Variants in DNMBP observed in about 807,000 individuals in gnomAD.
DNMBP encodes dynamin binding protein, also known as dynamin-binding protein.
DNMBP carries 87 observed loss-of-function variants against 150.0 expected under a neutral mutation model. That is an observed-to-expected ratio of 0.58 (90% CI 0.49 to 0.69). DNMBP has a LOEUF of 0.69. DNMBP is among the 30% of genes least tolerant of loss of function. The probability of loss-of-function intolerance (pLI) is 0.00; values close to 1 mark genes in which losing one functional copy is unlikely to be tolerated. For missense variants in DNMBP, 1,774 were observed against 1,949.0 expected, an observed-to-expected ratio of 0.91 and a Z score of 1.69; for synonymous variants, 711 against 750.4, an observed-to-expected ratio of 0.95 and a Z score of 0.86.
intron 4 of DNMBP, among the ~76,000 whole-genome samples, chr10:99,952,898 T>A: frequency 6.6e-6 from 1 of 152,218 alleles, no homozygotes; most frequent in East Asian, 1.9e-4. Context: ...TCTGCTTTTA[T>A]CTCTTATTAG....
At chr10:99,939,239 G>A (rs2040268185) in intron 4 of DNMBP, among the ~76,000 whole-genome samples, 1 of 152,148 alleles carries the variant, frequency 6.6e-6, no homozygotes. Flanking sequence ...ACTCTGCCCA[G>A]TGACATTCTG....
At chr10:99,891,189 T>A (rs1303432516) in intron 11 of DNMBP, among the ~76,000 whole-genome samples, 1 of 92,560 alleles carries the variant, frequency 1.1e-5, no homozygotes, top group Non-Finnish European at 2.1e-5. Context: ...CCTCTCCCTC[T>A]CCCCACCGTC....
chr10:99,910,652 G>T (rs2039887665), intron 4 of DNMBP, among the ~76,000 whole-genome samples: 1 of 152,210 alleles, frequency 6.6e-6, no homozygotes, highest in African/African-American at 2.4e-5. Flanking sequence ...TTCCAGGGCT[G>T]GGGCAGAGAA....
chr10:99,883,928 C>A, intron 15 of DNMBP, 83 bp downstream of exon 15: 2 of 1,309,698 alleles, frequency 1.5e-6, no homozygotes, highest in Non-Finnish European at 2.1e-6. Context: ...GCTTTTTTTT[C>A]CTGGCCTAGT....
intron 1 of DNMBP, among the ~76,000 whole-genome samples, chr10:99,986,285 G>A (rs974983796): frequency 4.6e-5 from 7 of 152,000 alleles, no homozygotes; most frequent in African/African-American, 1.7e-4. Context: ...CAAGGTGGGA[G>A]GGTTGCTTGA....
chr10:99,905,396 G>A (rs951363396), intron 6 of DNMBP, among the ~76,000 whole-genome samples: 1 of 152,162 alleles, frequency 6.6e-6, no homozygotes, highest in African/African-American at 2.4e-5. Context: ...CATGTGACCT[G>A]GGCAAATTAC....
intron 4 of DNMBP, chr10:99,930,334 T>G: frequency 1.4e-6 from 1 of 703,034 alleles, no homozygotes; most frequent in Non-Finnish European, 2.6e-6. Flanking sequence ...TAATTCAGAT[T>G]CTTACAGTCT....
At chr10:99,975,130 C>T (rs911090956) in intron 1 of DNMBP, among the ~76,000 whole-genome samples, 4 of 152,126 alleles carry the variant, frequency 2.6e-5, no homozygotes, top group Admixed American at 6.5e-5. Context: ...GAGGCTGAGG[C>T]GGGTGGATCA....
In DNMBP at chr10:99,885,693, C is replaced by T. The variant is rs377118142; in HGVS notation, c.3792G>A (p.Leu1264=). 1 of 1,564,492 alleles carries T rather than the reference C, an allele frequency of 6.4e-7. No individual in the cohort carries two copies. Among genetic ancestry groups the T allele is most frequent in the African/African-American group, 1.4e-5 (1 of 73,954 alleles). Residue 1264 remains leucine, a synonymous_variant, in exon 14 of 17, where the codon CTG becomes CTA. Coordinates refer to ENST00000324109, the MANE Select transcript of DNMBP (RefSeq NM_015221.4). ...CTCTCAGTTCCCTACTCACCAGGCC[C>T]AGGAGTGGCTTTCGAGCAGACTGGC... ...IDRQSARKPL[L]GLPSYMLQSE...
chr10:99,983,345 G>C (rs2040798324), intron 1 of DNMBP, among the ~76,000 whole-genome samples: 1 of 152,208 alleles, frequency 6.6e-6, no homozygotes, highest in Admixed American at 6.5e-5. Context: ...GGCTAAATGA[G>C]TAATTTTTTC....
At chr10:99,895,976 T>A (rs557742574) in intron 10 of DNMBP, among the ~76,000 whole-genome samples, 57 of 152,332 alleles carry the variant, frequency 3.7e-4, no homozygotes, top group African/African-American at 1.3e-3. Context: ...AACTAGGTGA[T>A]CTCTTAAATT....
chr10:99,950,688 T>C (rs908722516), intron 4 of DNMBP, among the ~76,000 whole-genome samples: 1 of 152,196 alleles, frequency 6.6e-6, no homozygotes, highest in Non-Finnish European at 1.5e-5. Flanking sequence ...TGTGGAACTT[T>C]GAACTTGAGA....
intron 1 of DNMBP, 50 bp downstream of exon 1, chr10:100,009,788 C>G (rs1273087751): frequency 6.7e-6 from 1 of 149,438 alleles, no homozygotes; most frequent in East Asian, 2.0e-4. Flanking sequence ...ACCGCGACCC[C>G]CGCTCCCCGC....
intron 5 of DNMBP, among the ~76,000 whole-genome samples, 200 bp downstream of exon 5, chr10:99,908,753 A>T (rs1564727839): frequency 6.6e-6 from 1 of 152,232 alleles, no homozygotes; most frequent in Admixed American, 6.5e-5. Context: ...GGTTAACAGT[A>T]GACTTGACAA....
chr10:99,914,596 T>C (rs1348404551), intron 4 of DNMBP, among the ~76,000 whole-genome samples: 1 of 152,134 alleles, frequency 6.6e-6, no homozygotes, highest in East Asian at 1.9e-4. Flanking sequence ...AGAACAGGGA[T>C]GGCAGGAGTG....
At chr10:99,934,380 G>A (rs1207823492) in intron 4 of DNMBP, among the ~76,000 whole-genome samples, 21 of 146,352 alleles carry the variant, frequency 1.4e-4, no homozygotes, top group African/African-American at 4.6e-4. Flanking sequence ...ATAATGATGC[G>A]GCTTCATAAC....
chr10:99,965,438 C>T (rs1217357091), intron 3 of DNMBP, among the ~76,000 whole-genome samples: 2 of 151,340 alleles, frequency 1.3e-5, no homozygotes, highest in African/African-American at 4.9e-5. Context: ...AAGTAAGTAA[C>T]AGTGAACTAA....
chr10:99,921,755 C>T (rs533735636), intron 4 of DNMBP, among the ~76,000 whole-genome samples: 1 of 148,452 alleles, frequency 6.7e-6, no homozygotes, highest in Admixed American at 6.8e-5. Flanking sequence ...GTCCCAGCTA[C>T]TCAGGTGGCT....
At chr10:99,879,687 G>T in intron 16 of DNMBP, 124 bp downstream of exon 16, 1 of 1,474,470 alleles carries the variant, frequency 6.8e-7, no homozygotes, top group Non-Finnish European at 9.0e-7. Flanking sequence ...TGAAAGGTGT[G>T]TCTGTGAGCT....
Sources: gnomAD v4.1 joint callset for allele counts (sites outside exome capture counted in the v4.1 genomes callset) on GRCh38, gnomAD v4.1.1 for gene constraint, MANE v1.5 for transcripts, NCBI Gene and HGNC (gene_info 2026-07-23, HGNC 2026-07-21) for gene names.